The following RAB3C variants were observed in gnomAD, a reference collection of about 807,000 sequenced individuals.
The protein encoded by RAB3C is RAB3C, member RAS oncogene family, also known as ras-related protein Rab-3C.
A neutral mutation model predicts 26.4 loss-of-function variants in RAB3C; 17 were observed. That is an observed-to-expected ratio of 0.64 (90% CI 0.44 to 0.97). The LOEUF (loss-of-function observed/expected upper bound fraction) is 0.97, where lower values mean the gene tolerates loss of function less well. RAB3C is among the 50% of genes least tolerant of loss of function. The pLI is 0.00. For synonymous variants in RAB3C, 91 were observed against 95.9 expected, an observed-to-expected ratio of 0.95 and a Z score of 0.30; for missense variants, 242 against 281.9, an observed-to-expected ratio of 0.86 and a Z score of 1.01.
intron 4 of RAB3C, among the ~76,000 whole-genome samples, chr5:58,837,466 G>A (rs1743774367): frequency 6.6e-6 from 1 of 151,494 alleles, no homozygotes; most frequent in South Asian, 2.1e-4. Flanking sequence ...ACAGGCATGA[G>A]CCACCGTGCC....
chr5:58,845,612 A>ATATATATATATATATATATATGTG, intron 4 of RAB3C, among the ~76,000 whole-genome samples: 2 of 81,722 alleles, frequency 2.4e-5, no homozygotes, highest in African/African-American at 1.2e-4. Flanking sequence ...ATATATATAT[A>ATATATATATATATATATATATGTG]TGTGTGTGTG....
At chr5:58,617,386 G>A (rs1746845744) in intron 1 of RAB3C, 1 of 666,372 alleles carries the variant, frequency 1.5e-6, no homozygotes, top group East Asian at 2.7e-5. Flanking sequence ...GTCTTTGATT[G>A]GTTCTGAATG....
At chr5:58,686,560 C>T (rs796598213) in intron 2 of RAB3C, among the ~76,000 whole-genome samples, 2 of 152,026 alleles carry the variant, frequency 1.3e-5, no homozygotes, top group African/African-American at 2.4e-5. Flanking sequence ...ACTGGTTTTG[C>T]TATGACTGAT....
intron 3 of RAB3C, among the ~76,000 whole-genome samples, chr5:58,754,245 T>C (rs10471460): frequency 0.081 from 12,330 of 152,200 alleles, 1,715 homozygotes; most frequent in African/African-American, 0.28. Context: ...TTATACTGCC[T>C]ATGTCATTAA....
chr5:58,660,571 A>G (rs935331190), intron 2 of RAB3C, among the ~76,000 whole-genome samples: 5 of 150,346 alleles, frequency 3.3e-5, no homozygotes, highest in East Asian at 1.9e-4. Flanking sequence ...TGATCTGCCA[A>G]TGGCAGCCCC....
chr5:58,651,265 T>C (rs1257578173), intron 2 of RAB3C, among the ~76,000 whole-genome samples: 1 of 152,206 alleles, frequency 6.6e-6, no homozygotes, highest in African/African-American at 2.4e-5. Flanking sequence ...TGCTTAATCA[T>C]GACTGACACT....
intron 4 of RAB3C, among the ~76,000 whole-genome samples, chr5:58,827,078 C>A (rs1743498424): frequency 6.6e-6 from 1 of 152,222 alleles, no homozygotes; most frequent in South Asian, 2.1e-4. Context: ...AAGTTACCAT[C>A]TCTGCCACAG....
At chr5:58,644,437 T>C (rs1242247243) in intron 2 of RAB3C, 1 of 152,136 alleles carries the variant, frequency 6.6e-6, no homozygotes, top group East Asian at 1.9e-4. Context: ...CGTGCCTGCA[T>C]GGTAGGTGGA....
At chr5:58,688,847 A>G (rs1417031538) in intron 2 of RAB3C, among the ~76,000 whole-genome samples, 4 of 152,056 alleles carry the variant, frequency 2.6e-5, no homozygotes, top group Non-Finnish European at 5.9e-5. Context: ...TCCAATCGTG[A>G]TTTCTGTGAA....
chr5:58,596,405 G>C (rs2111668658), intron 1 of RAB3C, among the ~76,000 whole-genome samples: 1 of 145,200 alleles, frequency 6.9e-6, no homozygotes, highest in Admixed American at 7.4e-5. Context: ...TTTTGCTCTT[G>C]TGAAATCCCT....
chr5:58,637,447 C>T (rs879935160), intron 2 of RAB3C, among the ~76,000 whole-genome samples: 2 of 151,950 alleles, frequency 1.3e-5, no homozygotes, highest in Admixed American at 6.6e-5. Context: ...TTTCTATCCC[C>T]GAAGACTCCA....
intron 3 of RAB3C, among the ~76,000 whole-genome samples, chr5:58,729,532 C>T (rs373196127): frequency 4.3e-4 from 65 of 151,574 alleles, no homozygotes; most frequent in African/African-American, 1.5e-3. Context: ...GCTTATTTTA[C>T]GTAACATACT....
chr5:58,802,894 G>A (rs560833027), intron 3 of RAB3C, among the ~76,000 whole-genome samples: 2 of 152,324 alleles, frequency 1.3e-5, no homozygotes, highest in African/African-American at 2.4e-5. Flanking sequence ...GTTCTTTCCA[G>A]CTTGCTACTG....
chr5:58,826,516 T>C (rs1189166489), intron 4 of RAB3C, among the ~76,000 whole-genome samples: 1 of 152,160 alleles, frequency 6.6e-6, no homozygotes, highest in African/African-American at 2.4e-5. Context: ...ACTGAGAATA[T>C]TGAGGCATTC....
chr5:58,830,508 A>C (rs1416151962), intron 4 of RAB3C, among the ~76,000 whole-genome samples: 2 of 152,192 alleles, frequency 1.3e-5, no homozygotes, highest in African/African-American at 4.8e-5. Flanking sequence ...GAAACATTAT[A>C]ACCTAGCCAG....
intron 2 of RAB3C, among the ~76,000 whole-genome samples, chr5:58,637,129 T>C (rs959936277): frequency 6.7e-6 from 1 of 148,622 alleles, no homozygotes; most frequent in African/African-American, 2.5e-5. Context: ...TCAGTTTGAA[T>C]GGTTTAATAA....
At chr5:58,621,595 A>G (rs776539731) in intron 2 of RAB3C, among the ~76,000 whole-genome samples, 3 of 152,120 alleles carry the variant, frequency 2.0e-5, no homozygotes, top group Non-Finnish European at 4.4e-5. Flanking sequence ...TATTTTTTTG[A>G]GAAGGAGTCT....
intron 3 of RAB3C, among the ~76,000 whole-genome samples, chr5:58,775,477 G>A (rs987694392): frequency 1.3e-5 from 2 of 152,042 alleles, no homozygotes; most frequent in Non-Finnish European, 2.9e-5. Flanking sequence ...AGCAGGGTTT[G>A]CAGACTGAAA....
intron 1 of RAB3C, among the ~76,000 whole-genome samples, chr5:58,607,541 C>G (rs1746599560): frequency 6.6e-6 from 1 of 152,236 alleles, no homozygotes; most frequent in East Asian, 1.9e-4. Flanking sequence ...GGCCAACATT[C>G]AAATTCAGGA....
Sources: gnomAD v4.1 joint callset for allele counts (sites outside exome capture counted in the v4.1 genomes callset) on GRCh38, gnomAD v4.1.1 for gene constraint, MANE v1.5 for transcripts, NCBI Gene and HGNC (gene_info 2026-07-23, HGNC 2026-07-21) for gene names.